DDX60: variants seen among roughly 807,000 people sequenced by gnomAD.
DDX60 encodes the protein DExD/H-box helicase 60, also known as probable ATP-dependent RNA helicase DDX60.
A neutral mutation model predicts 212.8 loss-of-function variants in DDX60; 165 were observed. The observed-to-expected ratio is 0.78, with a 90% CI of 0.68 to 0.88. DDX60 has a LOEUF of 0.88. DDX60 is among the 40% of genes least tolerant of loss of function. DDX60 has a pLI of 0.00. For missense variants in DDX60, 1,905 were observed against 2,003.9 expected (o/e 0.95, Z 0.94); for synonymous variants, 703 against 685.3 (o/e 1.03, Z -0.40).
At chr4:168,265,833 GAAGGA>G (rs1734816647) in intron 22 of DDX60, among the ~76,000 whole-genome samples, 1 of 128,258 alleles carries the variant, frequency 7.8e-6, no homozygotes, top group African/African-American at 2.9e-5. Context: ...GGGAAGGAGG[GAAGGA>G]AGGGAAGGGA....
At position 168,246,470 on chromosome 4, in the gene DDX60, C is replaced by G; in HGVS notation, c.4112G>C (p.Arg1371Pro). 1 of 1,614,006 alleles carries G rather than the reference C, an allele frequency of 6.2e-7. No individual in the cohort carries two copies. The highest frequency in any genetic ancestry group is 8.5e-7 in the Non-Finnish European group (1 of 1,179,982). Residue 1371 changes from arginine to proline, a missense_variant, in exon 30 of 38, where the codon CGA (arginine) becomes CCA (proline). Physicochemically the swap from Arg to Pro is moderately radical, Grantham distance 103 (BLOSUM62 -2). Coordinates refer to ENST00000393743, the MANE Select transcript of DDX60 (RefSeq NM_017631.6). Reference protein sequence around the residue: ...HFPLSITLVLRLMLLASKGDD... With the variant: ...HFPLSITLVLPLMLLASKGDD... ...TCCCTTGGAAGCCAGCAGCATGAGT[C>G]GCAGGACCAGGGTTATGCTGAGAGG... is the stretch of plus-strand genomic sequence containing the variant.
chr4:168,266,892 C>A (rs1302766706), intron 22 of DDX60, among the ~76,000 whole-genome samples: 1 of 152,124 alleles, frequency 6.6e-6, no homozygotes, highest in Non-Finnish European at 1.5e-5. Flanking sequence ...ATCATCACAA[C>A]AATCTTATGA....
chr4:168,261,106 A>G lies in DDX60; in HGVS notation c.3274-117T>C. The G allele has an allele frequency of 5.5e-6, 6 of 1,089,070 alleles. No individual in the cohort carries two copies. In the South Asian group the frequency reaches 5.9e-5, roughly 11 times the overall value. The allele number at this position is 1,089,070 out of a possible 1,614,324, so 67.5% of individuals were successfully genotyped here. The stretch of plus-strand genomic sequence containing the variant: ...ATATGTTTTTGGGTTTTTTTAAAAT[A>G]GTCCTATGAAAGTACATTATAAAAC... On this transcript the variant is annotated intron_variant, in intron 24 of 37. Coordinates refer to ENST00000393743, the MANE Select transcript of DDX60 (RefSeq NM_017631.6).
chr4:168,222,834 T>C (rs1348846716), intron 35 of DDX60, among the ~76,000 whole-genome samples: 1 of 152,028 alleles, frequency 6.6e-6, no homozygotes, highest in Non-Finnish European at 1.5e-5. Context: ...AGCAACACTG[T>C]GTGTAATAGC....
intron 6 of DDX60, among the ~76,000 whole-genome samples, chr4:168,297,295 GACGAAAGA>G (rs1334295711): frequency 2.2e-5 from 2 of 89,582 alleles, no homozygotes; most frequent in African/African-American, 5.1e-5. Flanking sequence ...GAGAGAGAGA[GACGAAAGA>G]AAGAAAGAAA....
chr4:168,263,682 A>C (rs924238423), intron 22 of DDX60: 1 of 152,246 alleles, frequency 6.6e-6, no homozygotes, highest in African/African-American at 2.4e-5. Context: ...GTGAGGGCAC[A>C]GCAAGAAGAC....
intron 33 of DDX60, among the ~76,000 whole-genome samples, chr4:168,228,865 C>T (rs1298144760): frequency 2.0e-5 from 3 of 152,076 alleles, no homozygotes; most frequent in Non-Finnish European, 2.9e-5. Flanking sequence ...GATTTCACAT[C>T]TGAAAACATC....
rs1321326054 is a variant in DDX60 at position 168,237,359 on chromosome 4, T to G, written c.4338A>C (p.Glu1446Asp). The change falls in exon 32 of 38, where the codon GAA becomes GAC. Residue 1446 changes from glutamate to aspartate, a missense_variant. Physicochemically the swap from Glu to Asp is conservative, Grantham distance 45. Coordinates refer to ENST00000393743, the MANE Select transcript of DDX60 (RefSeq NM_017631.6). Reference protein sequence around the residue: ...AGLVSHLHYHEPSNLVFVSFL... With the variant: ...AGLVSHLHYHDPSNLVFVSFL... Reference sequence around the variant, plus strand: ...AACTGACAAAAACAAGATTAGAAGGTTCATGATAATGCAAATGTGATACAA... The same window carrying G: ...AACTGACAAAAACAAGATTAGAAGGGTCATGATAATGCAAATGTGATACAA... 2.5e-6 allele frequency: 4 copies of G among 1,599,504 alleles called. No individual in the cohort carries two copies. The highest frequency in any genetic ancestry group is 1.3e-5 in the African/African-American group (1 of 74,516).
chr4:168,235,335 C>T (rs1345786448), intron 33 of DDX60, among the ~76,000 whole-genome samples: 1 of 151,770 alleles, frequency 6.6e-6, no homozygotes, highest in Admixed American at 6.6e-5. Flanking sequence ...GTGTAGTACC[C>T]CAACATTTCA....
At chr4:168,269,834 C>A (rs1305720306) in intron 19 of DDX60, among the ~76,000 whole-genome samples, 1 of 152,144 alleles carries the variant, frequency 6.6e-6, no homozygotes, top group Non-Finnish European at 1.5e-5. Context: ...ACCCTTTCTA[C>A]CCAAGAGCTT....
chr4:168,293,453 T>C (rs1736196124), intron 7 of DDX60, among the ~76,000 whole-genome samples: 2 of 152,160 alleles, frequency 1.3e-5, no homozygotes, highest in Admixed American at 1.3e-4. Context: ...AATGCTGTTG[T>C]GAGGATTTAA....
At chr4:168,282,680 G>T (rs1395629860) in intron 13 of DDX60, among the ~76,000 whole-genome samples, 1 of 152,018 alleles carries the variant, frequency 6.6e-6, no homozygotes, top group East Asian at 1.9e-4. Flanking sequence ...AGATACTAAA[G>T]CCTGATGAGT....
At chr4:168,245,046 C>T (rs978226207) in intron 30 of DDX60, among the ~76,000 whole-genome samples, 5 of 152,146 alleles carry the variant, frequency 3.3e-5, no homozygotes, top group African/African-American at 1.2e-4. Context: ...TATGAATGTA[C>T]TTAACACTAC....
At chr4:168,278,772 T>C (rs989632683) in intron 14 of DDX60, among the ~76,000 whole-genome samples, 3 of 152,126 alleles carry the variant, frequency 2.0e-5, no homozygotes, top group African/African-American at 4.8e-5. Flanking sequence ...GAGGTTGCAG[T>C]GAGCAAGATC....
At position 168,237,913 on chromosome 4, in the gene DDX60, A is replaced by C. The variant is rs1036219190; in HGVS notation, c.4165-118T>G. 7 of 711,852 alleles carry C rather than the reference A, an allele frequency of 9.8e-6. No individual in the cohort carries two copies. In the African/African-American group the frequency reaches 1.3e-4, roughly 13 times the overall value. The allele number at this position is 711,852 out of a possible 1,614,324, so 44.1% of individuals were successfully genotyped here. ...ACCACAAAGATATCAGAAATGTATC[A>C]GAAAAAATTTGATTTCATATTATTT... On this transcript the variant is annotated intron_variant, in intron 30 of 37. Coordinates refer to ENST00000393743, the MANE Select transcript of DDX60 (RefSeq NM_017631.6).
At chr4:168,218,173 A>G (rs1732918658) in intron 37 of DDX60, among the ~76,000 whole-genome samples, 1 of 152,134 alleles carries the variant, frequency 6.6e-6, no homozygotes, top group African/African-American at 2.4e-5. Flanking sequence ...ACAAAAATTG[A>G]TCAGTTCTGT....
At chr4:168,272,701 A>T (rs1434228327) in intron 18 of DDX60, among the ~76,000 whole-genome samples, 1 of 152,130 alleles carries the variant, frequency 6.6e-6, no homozygotes, top group African/African-American at 2.4e-5. Context: ...GAACTGGGGG[A>T]GCTGATGGCT....
At chr4:168,255,505 A>G (rs1319151540) in intron 26 of DDX60, among the ~76,000 whole-genome samples, 3 of 152,200 alleles carry the variant, frequency 2.0e-5, no homozygotes, top group Admixed American at 6.5e-5. Flanking sequence ...GTCCTAAATG[A>G]GGCTGATTGA....
In DDX60 at chr4:168,251,034, C is replaced by G. The variant is rs1295176961; in HGVS notation, c.3778G>C (p.Gly1260Arg). 1 of 1,612,562 alleles carries G rather than the reference C, an allele frequency of 6.2e-7. No individual in the cohort carries two copies. The highest frequency in any genetic ancestry group is 1.1e-5 in the South Asian group (1 of 90,958). Reference protein sequence around the residue: ...GEELKALAERGIGYHHSAMSF... With the variant: ...GEELKALAERRIGYHHSAMSF... ...ATAGCACTGTGATGATATCCAATAC[C>G]CCTTTCTGCCAAGGCTTTCAATTCT... Residue 1260 changes from glycine to arginine, a missense_variant, in exon 28 of 38, where the codon GGT becomes CGT. Transcript: ENST00000393743.
Sources: gnomAD v4.1 joint callset for allele counts (sites outside exome capture counted in the v4.1 genomes callset) on GRCh38, gnomAD v4.1.1 for gene constraint, MANE v1.5 for transcripts, NCBI Gene and HGNC (gene_info 2026-07-23, HGNC 2026-07-21) for gene names.